The following FGF12 variants were observed in gnomAD, a reference collection of about 807,000 sequenced individuals.
FGF12 encodes the protein fibroblast growth factor 12.
In FGF12, 14 loss-of-function variants were observed where a neutral mutation model predicts 23.6. The ratio of observed to expected loss-of-function variants is 0.59; its 90% CI spans 0.39 to 0.93. The LOEUF (loss-of-function observed/expected upper bound fraction) is 0.93. Among genes scored for constraint, FGF12 ranks in the 40% least tolerant of loss-of-function variants. FGF12 has a pLI of 0.00. For synonymous variants in FGF12, 62 were observed against 77.3 expected, an observed-to-expected ratio of 0.80 and a Z score of 1.04; for missense variants, 175 against 217.8, an observed-to-expected ratio of 0.80 and a Z score of 1.24.
intron 5 of FGF12, among the ~76,000 whole-genome samples, chr3:192,167,761 ATATATATAAAATTT>A (rs1373965521): frequency 3.0e-5 from 1 of 33,464 alleles, no homozygotes; most frequent in African/African-American, 1.4e-4. Context: ...ATATATATAT[ATATATATAAAATTT>A]TTTTTTTTTT....
chr3:192,545,003 T>G (rs1038106310), intron 2 of FGF12, among the ~76,000 whole-genome samples: 1 of 152,134 alleles, frequency 6.6e-6, no homozygotes, highest in Non-Finnish European at 1.5e-5. Context: ...TGAGATAGCT[T>G]AAGGAGAACT....
chr3:192,323,696 A>G (rs979978592), intron 4 of FGF12, among the ~76,000 whole-genome samples: 2 of 152,240 alleles, frequency 1.3e-5, no homozygotes, highest in African/African-American at 4.8e-5. Context: ...CTAAAAGAGT[A>G]TAATTGAATT....
chr3:192,312,746 CAA>C (rs59639014), intron 4 of FGF12, among the ~76,000 whole-genome samples: 5,537 of 129,310 alleles, frequency 0.043, 328 homozygotes, highest in African/African-American at 0.14. Flanking sequence ...GACTCGGTCT[CAA>C]AAAAAAAAAA....
At chr3:192,359,880 T>C (rs569763882) in intron 3 of FGF12, among the ~76,000 whole-genome samples, 1 of 150,718 alleles carries the variant, frequency 6.6e-6, no homozygotes, top group Non-Finnish European at 1.5e-5. Context: ...ATGTACCATA[T>C]GTAATTATAA....
chr3:192,233,374 C>G (rs894675940), intron 4 of FGF12, among the ~76,000 whole-genome samples: 1 of 151,936 alleles, frequency 6.6e-6, no homozygotes, highest in Non-Finnish European at 1.5e-5. Context: ...CCATTTGTGT[C>G]CTTTGCCTAT....
intron 2 of FGF12, among the ~76,000 whole-genome samples, chr3:192,595,357 G>T (rs1363016298): frequency 6.6e-6 from 1 of 152,114 alleles, no homozygotes; most frequent in Non-Finnish European, 1.5e-5. Context: ...ATTAAGCAAG[G>T]GCAGCTCTCC....
intron 2 of FGF12, among the ~76,000 whole-genome samples, chr3:192,502,628 T>C (rs1160411074): frequency 6.6e-6 from 1 of 152,160 alleles, no homozygotes; most frequent in Non-Finnish European, 1.5e-5. Context: ...TGTGATTACT[T>C]TTCTGTACCA....
intron 2 of FGF12, among the ~76,000 whole-genome samples, chr3:192,676,110 G>A (rs1223165451): frequency 6.6e-6 from 1 of 152,178 alleles, no homozygotes; most frequent in East Asian, 1.9e-4. Flanking sequence ...GACCATATGA[G>A]TATTCTCAGT....
chr3:192,477,937 A>G (rs1723372781), intron 2 of FGF12, among the ~76,000 whole-genome samples: 1 of 152,206 alleles, frequency 6.6e-6, no homozygotes, highest in Admixed American at 6.5e-5. Flanking sequence ...ACTTGTTTCA[A>G]TTCTGGAGAT....
intron 4 of FGF12, among the ~76,000 whole-genome samples, chr3:192,210,255 A>C (rs981716056): frequency 6.6e-6 from 1 of 152,234 alleles, no homozygotes; most frequent in African/African-American, 2.4e-5. Context: ...TCAGGGAGCC[A>C]GGGGAGGCAA....
chr3:192,505,997 T>C (rs1193183816), intron 2 of FGF12, among the ~76,000 whole-genome samples: 1 of 152,252 alleles, frequency 6.6e-6, no homozygotes, highest in Admixed American at 6.5e-5. Flanking sequence ...CAAATATGCA[T>C]GTAACATATG....
At position 192,710,649 on chromosome 3, in the gene FGF12, A is replaced by T. The variant is rs367569238; in HGVS notation, c.13+16532T>A. 2.2e-4 allele frequency among the ~76,000 whole-genome samples: 33 copies of T among 152,340 alleles called. No homozygotes were observed. The East Asian group carries it at 6.4e-3, about 29-fold the overall frequency. ...GGAGAAAAGGGTAAATTATGCAAAA[A>T]TGGTGGAAAGGTTGTTTTTAGGACG... is the stretch of plus-strand genomic sequence containing the variant. On this transcript the variant is annotated intron_variant, in intron 2 of 5. Coordinates refer to ENST00000445105, the MANE Select transcript of FGF12 (RefSeq NM_004113.6).
At chr3:192,400,664 G>C (rs73070517) in intron 2 of FGF12, among the ~76,000 whole-genome samples, 2 of 151,898 alleles carry the variant, frequency 1.3e-5, no homozygotes, top group Non-Finnish European at 2.9e-5. Flanking sequence ...ACCGCACCCC[G>C]TCCCCACCTT....
intron 2 of FGF12, among the ~76,000 whole-genome samples, chr3:192,363,377 G>T (rs866766423): frequency 1.3e-5 from 2 of 152,062 alleles, no homozygotes; most frequent in Admixed American, 1.3e-4. Flanking sequence ...TTGCCCTGGT[G>T]GAGCCATCCC....
intron 4 of FGF12, among the ~76,000 whole-genome samples, chr3:192,267,864 C>T (rs1234550872): frequency 4.6e-5 from 7 of 152,068 alleles, no homozygotes; most frequent in African/African-American, 1.7e-4. Context: ...AATTTTGCAT[C>T]AAAAATCACA....
chr3:192,637,968 G>A (rs1303658315), intron 2 of FGF12, among the ~76,000 whole-genome samples: 1 of 152,156 alleles, frequency 6.6e-6, no homozygotes, highest in African/African-American at 2.4e-5. Flanking sequence ...CTCTAAAGAG[G>A]TGGCTTGCCT....
intron 2 of FGF12, among the ~76,000 whole-genome samples, chr3:192,390,008 C>A (rs549253166): frequency 6.6e-6 from 1 of 152,206 alleles, no homozygotes; most frequent in South Asian, 2.1e-4. Flanking sequence ...TAGTCGCTGA[C>A]TTAGTTCACT....
chr3:192,514,361 G>A lies in FGF12; in HGVS notation c.14-153823C>T, dbSNP rs1043954814. Among the ~76,000 whole-genome samples, 4 of 152,260 alleles carry A rather than the reference G, an allele frequency of 2.6e-5. No homozygotes were observed. Among genetic ancestry groups the A allele is most frequent in the Admixed American group, 1.3e-4 (2 of 15,292 alleles). ...TCGCAAATCGCAGAGAGGGCCGCGA[G>A]AAGGTGCGAACGCAGGTCACGGCCA... is the stretch of plus-strand genomic sequence containing the variant. On this transcript the variant is annotated intron_variant, in intron 2 of 5. Coordinates refer to ENST00000445105, the MANE Select transcript of FGF12 (RefSeq NM_004113.6). The surrounding 1 kb of genome is among the most constrained non-coding windows in gnomAD (Gnocchi z 4.9).
At chr3:192,428,409 G>A (rs1721756345) in intron 2 of FGF12, among the ~76,000 whole-genome samples, 1 of 152,180 alleles carries the variant, frequency 6.6e-6, no homozygotes, top group South Asian at 2.1e-4. Flanking sequence ...TCTGAAAGCA[G>A]CCACTCTAAT....
Sources: allele counts gnomAD v4.1 joint callset (sites outside exome capture counted in the v4.1 genomes callset), GRCh38; gene constraint gnomAD v4.1.1; non-coding constraint Gnocchi (gnomAD v3.1); transcripts MANE v1.5; gene names NCBI Gene and HGNC (gene_info 2026-07-23, HGNC 2026-07-21).